Variants in TET2 observed in about 807,000 individuals in gnomAD.
The protein encoded by TET2 is tet methylcytosine dioxygenase 2, also known as methylcytosine dioxygenase TET2.
TET2 carries 299 observed loss-of-function variants against 142.9 expected under a neutral mutation model. That is an observed-to-expected ratio of 2.09 (90% CI 1.90 to 2.30). The LOEUF (loss-of-function observed/expected upper bound fraction) is 2.30, where lower values mean the gene tolerates loss of function less well. Among genes scored for constraint, TET2 ranks in the 30% most tolerant of loss-of-function variants. TET2 has a pLI of 0.00. For missense variants in TET2, 2,418 were observed against 2,378.0 expected, an observed-to-expected ratio of 1.02 and a Z score of -0.35; for synonymous variants, 819 against 849.0, an observed-to-expected ratio of 0.96 and a Z score of 0.61.
intron 1 of TET2, among the ~76,000 whole-genome samples, chr4:105,188,898 C>T (rs879891388): frequency 3.3e-5 from 5 of 151,256 alleles, no homozygotes; most frequent in Non-Finnish European, 5.9e-5. Context: ...TTTTTTGGGG[C>T]GAGGGGGACA....
intron 2 of TET2, among the ~76,000 whole-genome samples, chr4:105,232,321 A>G (rs1161694554): frequency 1.3e-5 from 2 of 152,168 alleles, no homozygotes; most frequent in African/African-American, 4.8e-5. Flanking sequence ...TGCTGTGATG[A>G]ACATACGTGT....
rs190090743 is a variant in TET2, at chr4:105,218,862, T to C, written c.-46-15035T>C. ...AATGAAAAAATATATATAATGTCTA[T>C]ATTATATATATAGTCTATTACTATT... On this transcript the variant is annotated intron_variant, in intron 2 of 10. Coordinates refer to ENST00000380013, the MANE Select transcript of TET2 (RefSeq NM_001127208.3). Among the ~76,000 whole-genome samples, 305 of 151,998 alleles carry C rather than the reference T, an allele frequency of 2.0e-3. 1 individual carries two copies. Among genetic ancestry groups the C allele is most frequent in the African/African-American group, 7.1e-3 (296 of 41,534 alleles).
chr4:105,194,522 G>A (rs149864270), intron 2 of TET2, among the ~76,000 whole-genome samples: 41 of 152,096 alleles, frequency 2.7e-4, no homozygotes, highest in African/African-American at 9.9e-4. Flanking sequence ...TTCCTGATCT[G>A]GCTACTGATT....
chr4:105,182,859 T>C (rs1204661790), intron 1 of TET2, among the ~76,000 whole-genome samples: 1 of 152,172 alleles, frequency 6.6e-6, no homozygotes, highest in Admixed American at 6.5e-5. Context: ...GATATTAATG[T>C]AATGTCTTTA....
At chr4:105,221,870 C>A (rs1181836906) in intron 2 of TET2, among the ~76,000 whole-genome samples, 1 of 150,974 alleles carries the variant, frequency 6.6e-6, no homozygotes, top group Non-Finnish European at 1.5e-5. Context: ...CCCCGTCCCC[C>A]CACCCCACAA....
At position 105,269,632 on chromosome 4, in the gene TET2, CAG is replaced by C; in HGVS notation, c.4070_4071del (p.Glu1357ValfsTer43). On this transcript the variant is annotated frameshift_variant, in exon 9 of 11. Transcript: ENST00000380013. LOFTEE classifies it high-confidence loss of function. ...CAGATTGAATATGAACACAGAGCAC[CAG>C]AGTGCCGTCTGGGTCTGAAGGAAGG... is the stretch of plus-strand genomic sequence containing the variant. The C allele has an allele frequency of 6.4e-7, 1 of 1,551,524 alleles. No individual in the cohort carries two copies. Among genetic ancestry groups the C allele is most frequent in the Non-Finnish European group, 8.7e-7 (1 of 1,146,934 alleles).
intron 1 of TET2, among the ~76,000 whole-genome samples, chr4:105,176,636 G>C (rs1373321542): frequency 1.3e-5 from 2 of 152,114 alleles, no homozygotes; most frequent in Non-Finnish European, 2.9e-5. Context: ...AAAAATACCA[G>C]TGAACTAAAT....
chr4:105,239,373 G>A (rs147813149), intron 3 of TET2: 1 of 240,708 alleles, frequency 4.2e-6, no homozygotes, highest in Admixed American at 5.7e-5. Flanking sequence ...TTCAATAGTA[G>A]GCTGTTTAGT....
intron 6 of TET2, among the ~76,000 whole-genome samples, chr4:105,248,519 C>T (rs1315314740): frequency 2.0e-5 from 3 of 152,090 alleles, no homozygotes; most frequent in Non-Finnish European, 4.4e-5. Context: ...AATTTCAAGT[C>T]ATATTAAAAT....
intron 2 of TET2, among the ~76,000 whole-genome samples, chr4:105,201,427 G>A (rs749446502): frequency 1.3e-4 from 20 of 152,148 alleles, no homozygotes; most frequent in Non-Finnish European, 2.2e-4. Context: ...TAATACAATA[G>A]GGGGTGCATT....
chr4:105,163,040 C>A (rs1723937594), intron 1 of TET2, among the ~76,000 whole-genome samples: 1 of 152,114 alleles, frequency 6.6e-6, no homozygotes, highest in African/African-American at 2.4e-5. Flanking sequence ...AAGTAAAAAT[C>A]AGGAGACTAT....
At chr4:105,245,714 G>GA (rs770039368) in intron 6 of TET2, among the ~76,000 whole-genome samples, 3 of 151,684 alleles carry the variant, frequency 2.0e-5, no homozygotes, top group Non-Finnish European at 4.4e-5. Flanking sequence ...CCTTTAATTA[G>GA]AAAAAAAATT....
intron 6 of TET2, among the ~76,000 whole-genome samples, chr4:105,246,790 T>A (rs922901135): frequency 2.6e-5 from 4 of 152,208 alleles, no homozygotes; most frequent in African/African-American, 9.6e-5. Flanking sequence ...TTCTTACAAA[T>A]CCCTGTGTCC....
chr4:105,180,603 A>G (rs933127878), intron 1 of TET2, among the ~76,000 whole-genome samples: 3 of 152,156 alleles, frequency 2.0e-5, no homozygotes, highest in African/African-American at 7.2e-5. Flanking sequence ...CATGGTCACA[A>G]ACAGTATTTC....
Position 105,235,433 on chromosome 4 carries a change from TG to T in TET2, c.1492del (p.Val498PhefsTer35). 1 of 1,614,206 alleles carries T rather than the reference TG, an allele frequency of 6.2e-7. No homozygotes were observed. Among genetic ancestry groups the T allele is most frequent in the Non-Finnish European group, 8.5e-7 (1 of 1,180,016 alleles). ...ACATACAGACTGCAGGGACAATGACTGTTCCATTGTGTTCTGAGAAAACAAG... is the reference window on the plus strand; with the variant it reads ...ACATACAGACTGCAGGGACAATGACTTTCCATTGTGTTCTGAGAAAACAAG... ...NDIQTAGTMT[V>X]PLCSEKTRPM... On this transcript the variant is annotated frameshift_variant, in exon 3 of 11. Coordinates refer to ENST00000380013, the MANE Select transcript of TET2 (RefSeq NM_001127208.3). LOFTEE classifies it high-confidence loss of function.
chr4:105,214,372 T>A (rs1206628968), intron 2 of TET2, among the ~76,000 whole-genome samples: 1 of 145,238 alleles, frequency 6.9e-6, no homozygotes, highest in African/African-American at 2.6e-5. Context: ...AGTGGTGTGA[T>A]CATAGCTCAC....
At chr4:105,200,642 GTTTTGTTTTTGT>G (rs70964635) in intron 2 of TET2, among the ~76,000 whole-genome samples, 31 of 149,514 alleles carry the variant, frequency 2.1e-4, no homozygotes, top group South Asian at 4.3e-4. Context: ...TTTTTTGTTT[GTTTTGTTTTTGT>G]TTTTGTTTTT....
At position 105,228,157 on chromosome 4, in the gene TET2, A is replaced by G. The variant is rs113984914; in HGVS notation, c.-46-5740A>G. Reference sequence around the variant, plus strand: ...AATATTCCAGGGTATGTATATAAAAAGTGTGATTTAGCACATATTAAAGTA... The same window carrying G: ...AATATTCCAGGGTATGTATATAAAAGGTGTGATTTAGCACATATTAAAGTA... On this transcript the variant is annotated intron_variant, in intron 2 of 10. Coordinates refer to ENST00000380013, the MANE Select transcript of TET2 (RefSeq NM_001127208.3). Among the ~76,000 whole-genome samples the G allele has an allele frequency of 2.3e-3, 345 of 152,272 alleles. 1 individual carries two copies. The highest frequency in any genetic ancestry group is 0.019 in the South Asian group (90 of 4,832).
At position 105,235,857 on chromosome 4, in the gene TET2, A is replaced by G; in HGVS notation, c.1915A>G (p.Asn639Asp). 6.2e-7 allele frequency: 1 copy of G among 1,614,010 alleles called. No homozygotes were observed. Among genetic ancestry groups the G allele is most frequent in the Non-Finnish European group, 8.5e-7 (1 of 1,179,988 alleles). ...GTCACAAATGTACCAAGTTGAAATG[A>G]ATCAAGGGCAGTCCCAAGGTACAGT... ...HKSQMYQVEMNQGQSQGTVDQ... is the reference protein window; with the variant it reads ...HKSQMYQVEMDQGQSQGTVDQ... The change falls in exon 3 of 11, where the codon AAT becomes GAT. Residue 639 changes from asparagine to aspartate, a missense_variant. Coordinates refer to ENST00000380013, the MANE Select transcript of TET2 (RefSeq NM_001127208.3).
Sources: gnomAD v4.1 joint callset for allele counts (sites outside exome capture counted in the v4.1 genomes callset) on GRCh38, gnomAD v4.1.1 for gene constraint, MANE v1.5 for transcripts, NCBI Gene and HGNC (gene_info 2026-07-23, HGNC 2026-07-21) for gene names.